EML6: variants seen among roughly 807,000 people sequenced by gnomAD.
EML6 encodes EMAP like 6.
EML6 carries 154 observed loss-of-function variants against 240.1 expected under a neutral mutation model. The observed-to-expected ratio is 0.64, with a 90% CI of 0.56 to 0.73. The LOEUF (loss-of-function observed/expected upper bound fraction) is 0.73, where lower values mean the gene tolerates loss of function less well. EML6 is among the 30% of genes least tolerant of loss of function. The pLI is 0.00. For missense variants in EML6, 2,964 were observed against 2,474.6 expected (o/e 1.20, Z -4.20); for synonymous variants, 1,148 against 899.0 (o/e 1.28, Z -4.95).
chr2:54,966,812 G>A, intron 38 of EML6, 188 bp from the exon 39 acceptor site: 1 of 437,460 alleles, frequency 2.3e-6, no homozygotes, highest in East Asian at 3.7e-5. Flanking sequence ...TGAGAAGAAA[G>A]ATGGGAAAAT....
At chr2:54,802,665 A>ACTACTACTG (rs1317320848) in intron 2 of EML6, among the ~76,000 whole-genome samples, 3 of 147,698 alleles carry the variant, frequency 2.0e-5, no homozygotes, top group Non-Finnish European at 3.0e-5. Context: ...TACTACTACT[A>ACTACTACTG]CTGCTACTAC....
At chr2:54,868,032 T>A (rs1671062370) in intron 14 of EML6, 1 of 152,200 alleles carries the variant, frequency 6.6e-6, no homozygotes, top group African/African-American at 2.4e-5. Flanking sequence ...AAAGATGTTC[T>A]GCATGTGTAA....
At chr2:54,908,691 C>T (rs1055528547) in intron 24 of EML6, among the ~76,000 whole-genome samples, 1 of 152,190 alleles carries the variant, frequency 6.6e-6, no homozygotes. Flanking sequence ...CCTTTCTCTA[C>T]TTCATCTGCA....
At chr2:54,733,271 T>A (rs1683250440) in intron 2 of EML6, among the ~76,000 whole-genome samples, 1 of 152,244 alleles carries the variant, frequency 6.6e-6, no homozygotes, top group Admixed American at 6.5e-5. Context: ...GAGCCTTCAT[T>A]TTTAGTTTAA....
chr2:54,829,598 A>G, intron 7 of EML6, 121 bp downstream of exon 7: 6 of 693,828 alleles, frequency 8.6e-6, no homozygotes, highest in Admixed American at 3.3e-5. Context: ...TATATTGAAT[A>G]CAAGCAAAAG....
chr2:54,876,231 G>C (rs1458991944), intron 16 of EML6, among the ~76,000 whole-genome samples: 1 of 152,152 alleles, frequency 6.6e-6, no homozygotes, highest in African/African-American at 2.4e-5. Flanking sequence ...GGCTTACAGG[G>C]AAAGTGAGAA....
chr2:54,945,727 A>G (rs1304892761), intron 28 of EML6, among the ~76,000 whole-genome samples: 1 of 152,004 alleles, frequency 6.6e-6, no homozygotes, highest in Non-Finnish European at 1.5e-5. Flanking sequence ...TGCCTTGGGG[A>G]GGGGGAAAGG....
At chr2:54,829,624 T>C (rs73935667) in intron 7 of EML6, 147 bp downstream of exon 7, 10,480 of 608,012 alleles carry the variant, frequency 0.017, 821 homozygotes, top group African/African-American at 0.17. Flanking sequence ...TAAAAGTAAA[T>C]GGATGTCCTT....
chr2:54,855,832 A>G (rs1670346017), intron 11 of EML6, among the ~76,000 whole-genome samples: 1 of 152,136 alleles, frequency 6.6e-6, no homozygotes, highest in Non-Finnish European at 1.5e-5. Flanking sequence ...GAAGTGAATA[A>G]AAGAGTGGGA....
intron 28 of EML6, among the ~76,000 whole-genome samples, chr2:54,948,345 C>T (rs1675795196): frequency 6.6e-6 from 1 of 152,130 alleles, no homozygotes; most frequent in Non-Finnish European, 1.5e-5. Context: ...TGCTTCCTGC[C>T]TGCCTGTCTG....
In EML6 at chr2:54,847,535, G is replaced by C. The variant is rs1198612961; in HGVS notation, c.1099G>C (p.Glu367Gln). 9.0e-6 allele frequency: 14 copies of C among 1,552,042 alleles called. No homozygotes were observed. The highest frequency in any genetic ancestry group is 1.2e-5 in the Non-Finnish European group (14 of 1,147,110). ...CTTGATCGCCCGCTGTAACATGGAA[G>C]AGGCGGTTCGCAGTGTAGCTTTCAG... ...HALIARCNME[E>Q]AVRSVAFSPD... The change falls in exon 9 of 42, where the codon GAG (glutamate) becomes CAG (glutamine). Residue 367 changes from glutamate to glutamine, a missense_variant. Glu to Gln is a conservative substitution (Grantham distance 29). Transcript: ENST00000356458.
intron 9 of EML6, among the ~76,000 whole-genome samples, chr2:54,848,500 G>A (rs945347913): frequency 5.3e-5 from 6 of 113,604 alleles, no homozygotes; most frequent in Non-Finnish European, 9.2e-5. Flanking sequence ...TTTCTTTTTC[G>A]ATGGACTTCT....
rs192785000 is a variant in EML6, at chr2:54,768,073, G to C, written c.197+42815G>C. Among the ~76,000 whole-genome samples the C allele has an allele frequency of 1.7e-4, 26 of 152,240 alleles. No homozygotes were observed. In the East Asian group the frequency reaches 3.9e-3, roughly 23 times the overall value. On this transcript the variant is annotated intron_variant, in intron 2 of 41. Coordinates refer to ENST00000356458, the MANE Select transcript of EML6 (RefSeq NM_001039753.4). ...GGTTCAGATGTGGGCCTCTTGAAAG[G>C]GAACATTGTAGATGAGATCATATGC...
chr2:54,968,182 T>G lies in EML6; in HGVS notation c.5652T>G (p.Asp1884Glu). ...GGCCACGAAATGCAGACAAGGCTGATGTCAACTGCGCATGTGTGACCCACG... is the reference window on the plus strand; with the variant it reads ...GGCCACGAAATGCAGACAAGGCTGAGGTCAACTGCGCATGTGTGACCCACG... ...GIWPRNADKA[D>E]VNCACVTHAG... is the part of the protein sequence containing the mutation. The change falls in exon 40 of 42, where the codon GAT (aspartate) becomes GAG (glutamate). Residue 1884 changes from aspartate to glutamate, a missense_variant. Asp to Glu is a conservative substitution (Grantham distance 45). Transcript: ENST00000356458. 1 of 1,551,722 alleles carries G rather than the reference T, an allele frequency of 6.4e-7. No individual in the cohort carries two copies. Among genetic ancestry groups the G allele is most frequent in the Non-Finnish European group, 8.7e-7 (1 of 1,146,998 alleles).
chr2:54,878,732 A>G (rs1007485585), intron 16 of EML6, among the ~76,000 whole-genome samples: 3 of 152,228 alleles, frequency 2.0e-5, no homozygotes, highest in African/African-American at 7.2e-5. Context: ...GATTTACAGT[A>G]ATCTATTCTT....
chr2:54,863,761 C>G, intron 12 of EML6, 22 bp from the exon 13 acceptor site: 1 of 1,365,980 alleles, frequency 7.3e-7, no homozygotes, highest in Non-Finnish European at 1.0e-6. Flanking sequence ...TTGCTTGTTT[C>G]TTGTGGGTTG....
chr2:54,781,427 G>A (rs930222824), intron 2 of EML6, among the ~76,000 whole-genome samples: 4 of 152,152 alleles, frequency 2.6e-5, no homozygotes, highest in African/African-American at 9.7e-5. Flanking sequence ...GGTCCACATA[G>A]GAATTAAAAT....
intron 28 of EML6, among the ~76,000 whole-genome samples, chr2:54,931,335 G>T (rs1028638244): frequency 7.9e-5 from 12 of 152,188 alleles, no homozygotes; most frequent in African/African-American, 2.9e-4. Context: ...GAGAAAGCAG[G>T]ATGAGTGATG....
At chr2:54,750,503 C>A (rs142294241) in intron 2 of EML6, among the ~76,000 whole-genome samples, 69 of 152,260 alleles carry the variant, frequency 4.5e-4, no homozygotes, top group African/African-American at 1.5e-3. Flanking sequence ...GTGGCTTATG[C>A]CACTGGAAAG....
Sources: gnomAD v4.1 joint callset for allele counts (sites outside exome capture counted in the v4.1 genomes callset) on GRCh38, gnomAD v4.1.1 for gene constraint, MANE v1.5 for transcripts, NCBI Gene and HGNC (gene_info 2026-07-23, HGNC 2026-07-21) for gene names.